Variants in CLASP2 observed in about 807,000 individuals in gnomAD.
The protein encoded by CLASP2 is CLIP-associating protein 2.
CLASP2 carries 47 observed loss-of-function variants against 194.4 expected under a neutral mutation model. The ratio of observed to expected loss-of-function variants is 0.24; its 90% CI spans 0.19 to 0.31. CLASP2 has a LOEUF of 0.31. Ranked by LOEUF, CLASP2 falls within the 10% of genes least tolerant of loss-of-function variation. The probability of loss-of-function intolerance (pLI) is 1.00; values close to 1 mark genes in which losing one functional copy is unlikely to be tolerated. For missense variants in CLASP2, 1,445 were observed against 1,823.6 expected (o/e 0.79, Z 3.78); for synonymous variants, 619 against 633.5 (o/e 0.98, Z 0.34).
rs117382756 is a variant in CLASP2 at position 33,680,420 on chromosome 3, T to C, written c.644+3939A>G. Reference sequence around the variant, plus strand: ...AAATGTACCACTCTGTTGAGGAATATTGATAATGGGAGAGGCTAGGCATGT... The same window carrying C: ...AAATGTACCACTCTGTTGAGGAATACTGATAATGGGAGAGGCTAGGCATGT... On this transcript the variant is annotated intron_variant, in intron 6 of 38. Transcript: ENST00000682230. Among the ~76,000 whole-genome samples the C allele has an allele frequency of 5.5e-4, 84 of 152,294 alleles. No homozygotes were observed. The East Asian group carries it at 0.011, about 19-fold the overall frequency.
intron 6 of CLASP2, among the ~76,000 whole-genome samples, chr3:33,680,785 T>C (rs1265140310): frequency 6.6e-6 from 1 of 152,016 alleles, no homozygotes; most frequent in Non-Finnish European, 1.5e-5. Context: ...CATTCCAGCC[T>C]GGGCAGGAGT....
At chr3:33,603,244 C>A (rs1235702618) in intron 17 of CLASP2, 119 bp from the exon 18 acceptor site, 2 of 1,038,166 alleles carry the variant, frequency 1.9e-6, no homozygotes, top group Non-Finnish European at 1.4e-6. Flanking sequence ...AAGGCTGTGG[C>A]CAAATGGACA....
intron 26 of CLASP2, among the ~76,000 whole-genome samples, chr3:33,569,253 A>T (rs1030562169): frequency 3.9e-5 from 6 of 152,168 alleles, no homozygotes; most frequent in Admixed American, 6.5e-5. Context: ...GATCTTTTTT[A>T]AAAAAGTTTG....
At chr3:33,520,950 A>T (rs1489569254) in intron 34 of CLASP2, among the ~76,000 whole-genome samples, 1 of 151,948 alleles carries the variant, frequency 6.6e-6, no homozygotes, top group African/African-American at 2.4e-5. Flanking sequence ...CTTAGCCTTT[A>T]AAATCATCTT....
At chr3:33,628,623 T>TA (rs1275139866) in intron 9 of CLASP2, among the ~76,000 whole-genome samples, 3 of 152,076 alleles carry the variant, frequency 2.0e-5, no homozygotes, top group African/African-American at 7.2e-5. Context: ...TCAAACAGGA[T>TA]AAGTTTGAGG....
intron 24 of CLASP2, among the ~76,000 whole-genome samples, chr3:33,575,412 T>C (rs1422077293): frequency 6.6e-6 from 1 of 152,212 alleles, no homozygotes; most frequent in Non-Finnish European, 1.5e-5. Flanking sequence ...CATATTTTTT[T>C]TTAATTTCAA....
At chr3:33,675,247 G>C (rs1447461443) in intron 6 of CLASP2, among the ~76,000 whole-genome samples, 1 of 151,906 alleles carries the variant, frequency 6.6e-6, no homozygotes, top group Admixed American at 6.6e-5. Context: ...CCATGATCAA[G>C]TGGGCTTCAT....
intron 10 of CLASP2, 141 bp from the exon 11 acceptor site, chr3:33,622,421 C>T: frequency 1.9e-6 from 1 of 516,872 alleles, no homozygotes; most frequent in South Asian, 7.3e-5. Context: ...ATTCAGACAT[C>T]TTAGTAGCAT....
At chr3:33,561,027 A>G in intron 27 of CLASP2, 56 bp from the exon 28 acceptor site, 3 of 1,460,552 alleles carry the variant, frequency 2.1e-6, no homozygotes, top group Non-Finnish European at 2.8e-6. Context: ...ATTGACCTCT[A>G]TGTTCAATTC....
intron 7 of CLASP2, chr3:33,658,915 C>G (rs920841234): frequency 7.8e-6 from 11 of 1,410,222 alleles, no homozygotes; most frequent in Non-Finnish European, 1.1e-5. Context: ...AGCAAATGAT[C>G]GTCACCTTAA....
At chr3:33,500,335 T>C (rs1221273186) in intron 38 of CLASP2, among the ~76,000 whole-genome samples, 1 of 152,110 alleles carries the variant, frequency 6.6e-6, no homozygotes. Flanking sequence ...ACTTGTTTCA[T>C]CTAACGTTAT....
chr3:33,593,536 G>C (rs938347878), intron 20 of CLASP2, among the ~76,000 whole-genome samples: 1 of 152,118 alleles, frequency 6.6e-6, no homozygotes, highest in Non-Finnish European at 1.5e-5. Context: ...AGTGAGAAAA[G>C]ATAAGAGAGT....
intron 23 of CLASP2, 172 bp from the exon 24 acceptor site, chr3:33,576,447 G>A (rs1301135502): frequency 1.8e-6 from 1 of 552,390 alleles, no homozygotes; most frequent in African/African-American, 1.9e-5. Context: ...AAATAAAAGG[G>A]TAAAGACAAT....
intron 1 of CLASP2, among the ~76,000 whole-genome samples, chr3:33,707,036 T>C (rs1575738233): frequency 6.6e-6 from 1 of 152,030 alleles, no homozygotes; most frequent in Admixed American, 6.5e-5. Context: ...CTAGAAACAA[T>C]GACCAAACAA....
intron 22 of CLASP2, among the ~76,000 whole-genome samples, chr3:33,583,953 T>C (rs2066742589): frequency 6.6e-6 from 1 of 152,174 alleles, no homozygotes; most frequent in South Asian, 2.1e-4. Flanking sequence ...GGGTTCATCA[T>C]AGCAATGTTA....
At chr3:33,536,602 T>C (rs2057386682) in intron 33 of CLASP2, among the ~76,000 whole-genome samples, 1 of 152,122 alleles carries the variant, frequency 6.6e-6, no homozygotes, top group African/African-American at 2.4e-5. Context: ...AAGCCTATTG[T>C]ATAGACTTTG....
chr3:33,574,382 G>T, intron 24 of CLASP2: 1 of 764,402 alleles, frequency 1.3e-6, no homozygotes, highest in South Asian at 2.0e-5. Flanking sequence ...CTTCTACTTT[G>T]ATTTTTAATA....
chr3:33,519,879 T>C (rs1017401844), intron 34 of CLASP2, among the ~76,000 whole-genome samples: 1 of 152,226 alleles, frequency 6.6e-6, no homozygotes, highest in Admixed American at 6.5e-5. Context: ...TCAGTTATAG[T>C]TTCCAAAAAC....
chr3:33,596,850 A>G (rs1191129475), intron 18 of CLASP2, 116 bp from the exon 19 acceptor site: 2 of 762,546 alleles, frequency 2.6e-6, no homozygotes, highest in Non-Finnish European at 4.2e-6. Context: ...GTACAGACGT[A>G]TATATCAAGC....
Sources: allele counts gnomAD v4.1 joint callset (sites outside exome capture counted in the v4.1 genomes callset), GRCh38; gene constraint gnomAD v4.1.1; transcripts MANE v1.5; gene names NCBI Gene and HGNC (gene_info 2026-07-23, HGNC 2026-07-21).